Variants in DNM1 observed in about 807,000 individuals in gnomAD.
DNM1 encodes dynamin-1.
Under a neutral mutation model 104.6 loss-of-function variants are expected in DNM1, and 29 were observed. That is an observed-to-expected ratio of 0.28 (90% CI 0.21 to 0.38). The LOEUF (loss-of-function observed/expected upper bound fraction) is 0.38, where lower values mean the gene tolerates loss of function less well. Among genes scored for constraint, DNM1 ranks in the 10% least tolerant of loss-of-function variants. The probability of loss-of-function intolerance (pLI) is 1.00; values close to 1 mark genes in which losing one functional copy is unlikely to be tolerated. For missense variants in DNM1, 640 were observed against 1,189.4 expected (o/e 0.54, Z 6.79); for synonymous variants, 445 against 475.8 (o/e 0.94, Z 0.84).
Position 128,254,539 on chromosome 9 carries a change from G to A in DNM1, c.2535-115G>A. 1 of 1,557,422 alleles carries A rather than the reference G, an allele frequency of 6.4e-7. No individual in the cohort carries two copies. The highest frequency in any genetic ancestry group is 1.9e-5 in the Admixed American group (1 of 53,790). On this transcript the variant is annotated intron_variant, in intron 21 of 21. Transcript: ENST00000372923. The surrounding 1 kb of genome is among the most constrained non-coding windows in gnomAD (Gnocchi z 6.1). The stretch of plus-strand genomic sequence containing the variant: ...CCACACCTGCAGCCTCCCCTCCCCG[G>A]CCCTCCCACCACTGCTGCGGCGCGG...
At position 128,218,587 on chromosome 9, in the gene DNM1, G is replaced by A; in HGVS notation, c.241G>A (p.Ala81Thr). 1.2e-6 allele frequency: 2 copies of A among 1,610,648 alleles called. No individual in the cohort carries two copies. The highest frequency in any genetic ancestry group is 1.7e-6 in the Non-Finnish European group (2 of 1,177,416). ...LQLVNATTEY[A>T]EFLHCKGKKF... is the part of the protein sequence containing the mutation. Reference sequence around the variant, plus strand: ...CCTGCCCGCTTCTGGAGCAGAATATGCCGAGTTCCTGCACTGCAAGGGAAA... The same window carrying A: ...CCTGCCCGCTTCTGGAGCAGAATATACCGAGTTCCTGCACTGCAAGGGAAA... The change falls in exon 3 of 22, where the codon GCC becomes ACC. Residue 81 changes from alanine to threonine, a missense_variant. Physicochemically the swap from Ala to Thr is moderately conservative, Grantham distance 58. Coordinates refer to ENST00000372923, the MANE Select transcript of DNM1 (RefSeq NM_004408.4). This position sits in a 1 kb window ranked among gnomAD's most constrained non-coding sequence, Gnocchi z 4.8.
chr9:128,249,850 T>C (rs1241740834), intron 19 of DNM1, among the ~76,000 whole-genome samples: 2 of 151,118 alleles, frequency 1.3e-5, no homozygotes, highest in Non-Finnish European at 2.9e-5. Context: ...AAAAAACAAC[T>C]GAGTAGACAA....
intron 1 of DNM1, among the ~76,000 whole-genome samples, chr9:128,212,472 TGGAAGGAA>T (rs1012698596): frequency 6.6e-6 from 1 of 151,502 alleles, no homozygotes; most frequent in African/African-American, 2.4e-5. Flanking sequence ...AAGACCCGGC[TGGAAGGAA>T]GGAAGGAAGG....
intron 1 of DNM1, among the ~76,000 whole-genome samples, chr9:128,213,516 A>G (rs369623685): frequency 1.6e-4 from 25 of 152,208 alleles, no homozygotes; most frequent in African/African-American, 5.3e-4. Context: ...TGGGAAAGAA[A>G]GTAGGAAGGA....
Position 128,222,942 on chromosome 9 carries a change from C to A in DNM1, c.1196+82C>A. On this transcript the variant is annotated intron_variant, in intron 9 of 21. Coordinates refer to ENST00000372923, the MANE Select transcript of DNM1 (RefSeq NM_004408.4). This position sits in a 1 kb window ranked among gnomAD's most constrained non-coding sequence, Gnocchi z 7.8. ...GAGGCACAGGGAGTGATGAAGTGGG[C>A]CTCCCTCAGGAAGGACTGAAAGCTC... 1.5e-6 allele frequency: 2 copies of A among 1,352,130 alleles called. No individual in the cohort carries two copies. The highest frequency in any genetic ancestry group is 2.1e-6 in the Non-Finnish European group (2 of 949,884). 83.8% of individuals were successfully genotyped at this position (1,352,130 alleles called of 1,614,324 possible). A position where few individuals can be genotyped will look rare whatever the true frequency, so the allele number is the denominator to read the frequency against.
chr9:128,236,801 A>C (rs1307868234), intron 11 of DNM1, among the ~76,000 whole-genome samples: 1 of 152,210 alleles, frequency 6.6e-6, no homozygotes, highest in Non-Finnish European at 1.5e-5. Flanking sequence ...GCAGTGACCC[A>C]TGATCATGCC....
At chr9:128,242,562 C>T (rs1412397731) in intron 15 of DNM1, among the ~76,000 whole-genome samples, 2 of 152,134 alleles carry the variant, frequency 1.3e-5, no homozygotes, top group Non-Finnish European at 2.9e-5. Context: ...GAGTCCGAGA[C>T]CAGCCCGGCC....
chr9:128,209,488 CTA>C (rs1834166012), intron 1 of DNM1, among the ~76,000 whole-genome samples: 1 of 152,154 alleles, frequency 6.6e-6, no homozygotes, highest in Admixed American at 6.6e-5. Context: ...TGCCATATGT[CTA>C]TGTATTCCAG....
Position 128,220,885 on chromosome 9 carries a change from T to TTTTCTTTCTTAC in DNM1, c.849+554_849+555insACTTTCTTTCTT, listed in dbSNP as rs1554773877. 8.5e-6 allele frequency among the ~76,000 whole-genome samples: 1 copy of TTTTCTTTCTTAC among 117,526 alleles called. No homozygotes were observed. The highest frequency in any genetic ancestry group is 1.8e-5 in the Non-Finnish European group (1 of 56,702). 77.1% of individuals were successfully genotyped at this position (117,526 alleles called of 152,430 possible). ...CCTCTATTTCTTTTTTCTTTATTTG[T>TTTTCTTTCTTAC]TTTCTTTCTTTCTTTCTTTCTTTCT... On this transcript the variant is annotated intron_variant, in intron 6 of 21. Coordinates refer to ENST00000372923, the MANE Select transcript of DNM1 (RefSeq NM_004408.4). The surrounding 1 kb of genome is among the most constrained non-coding windows in gnomAD (Gnocchi z 5.2).
chr9:128,254,622 C>G lies in DNM1; in HGVS notation c.2535-32C>G. ...CAGCTCTCTCCTCGCTTTTCTCTCCCGTTTTCTCTCTGCTTTCTCTCCAAC... is the reference window on the plus strand; with the variant it reads ...CAGCTCTCTCCTCGCTTTTCTCTCCGGTTTTCTCTCTGCTTTCTCTCCAAC... On this transcript the variant is annotated intron_variant, in intron 21 of 21. Coordinates refer to ENST00000372923, the MANE Select transcript of DNM1 (RefSeq NM_004408.4). This position sits in a 1 kb window ranked among gnomAD's most constrained non-coding sequence, Gnocchi z 6.1. 1 of 1,596,148 alleles carries G rather than the reference C, an allele frequency of 6.3e-7. No individual in the cohort carries two copies. Among genetic ancestry groups the G allele is most frequent in the Non-Finnish European group, 8.5e-7 (1 of 1,179,588 alleles).
In DNM1 at chr9:128,247,906, G is replaced by T. The variant is rs116335289; in HGVS notation, c.1894-18G>T. 1.7e-3 allele frequency: 2,792 copies of T among 1,613,320 alleles called. 45 individuals carry two copies. The African/African-American group carries it at 0.032, about 19-fold the overall frequency. On this transcript the variant is annotated intron_variant, in intron 17 of 21. Coordinates refer to ENST00000372923, the MANE Select transcript of DNM1 (RefSeq NM_004408.4). This position sits in a 1 kb window ranked among gnomAD's most constrained non-coding sequence, Gnocchi z 5.1. ...TGGTGGTGGCGGCGGTGGCAATGTT[G>T]GTGTGTGGGCCTCCCAGGACAAAGA...
At chr9:128,217,670 A>T (rs1046352080) in intron 1 of DNM1, among the ~76,000 whole-genome samples, 4 of 147,494 alleles carry the variant, frequency 2.7e-5, no homozygotes, top group Non-Finnish European at 6.0e-5. Context: ...CGCCCGCCTC[A>T]GCCTCCAAAG....
Position 128,254,908 on chromosome 9 carries a change from C to T in DNM1, c.*194C>T. The T allele has an allele frequency of 3.5e-6, 2 of 578,994 alleles. No individual in the cohort carries two copies. The highest frequency in any genetic ancestry group is 4.4e-5 in the South Asian group (2 of 45,136). 35.9% of individuals were successfully genotyped at this position (578,994 alleles called of 1,614,324 possible). Reference sequence around the variant, plus strand: ...TGCCCCTTCTGTGGTATGCCCTTGCCCTGTTCTATAAATATCTATAAATAC... The same window carrying T: ...TGCCCCTTCTGTGGTATGCCCTTGCTCTGTTCTATAAATATCTATAAATAC... On this transcript the variant is annotated 3_prime_UTR_variant, in exon 22 of 22. Coordinates refer to ENST00000372923, the MANE Select transcript of DNM1 (RefSeq NM_004408.4). This position sits in a 1 kb window ranked among gnomAD's most constrained non-coding sequence, Gnocchi z 6.1.
chr9:128,214,628 G>A (rs1412027053), intron 1 of DNM1, among the ~76,000 whole-genome samples: 2 of 152,166 alleles, frequency 1.3e-5, no homozygotes, highest in Admixed American at 1.3e-4. Context: ...GACAACTCCA[G>A]TTCAGACAGG....
At chr9:128,211,350 T>A (rs1834282953) in intron 1 of DNM1, among the ~76,000 whole-genome samples, 1 of 152,200 alleles carries the variant, frequency 6.6e-6, no homozygotes, top group African/African-American at 2.4e-5. Flanking sequence ...TCCTGCTTCC[T>A]TTCAGCCGCT....
rs138357499 is a variant in DNM1 at position 128,220,217 on chromosome 9, T to C, written c.725T>C (p.Ile242Thr). The stretch of plus-strand genomic sequence containing the variant: ...GTGGTGAACCGGAGCCAGAAGGACA[T>C]TGATGGCAAGAAGGACATTACCGCC... ...IGVVNRSQKD[I>T]DGKKDITAAL... Residue 242 changes from isoleucine (I) to threonine (T), a missense_variant, in exon 6 of 22, where the codon ATT becomes ACT. By Grantham distance (89) the Ile-to-Thr change is moderately conservative. This residue lies in a region of DNM1 where 172 missense variants were observed against 335.3 expected (regional missense o/e 0.51). Coordinates refer to ENST00000372923, the MANE Select transcript of DNM1 (RefSeq NM_004408.4). The surrounding 1 kb of genome is among the most constrained non-coding windows in gnomAD (Gnocchi z 5.2). 6.2e-6 allele frequency: 10 copies of C among 1,614,014 alleles called. No individual in the cohort carries two copies. In the African/African-American group the frequency reaches 6.7e-5, roughly 11 times the overall value.
At position 128,253,013 on chromosome 9, in the gene DNM1, C is replaced by T. The variant is rs529853435; in HGVS notation, c.2535-1641C>T. 188 of 1,336,024 alleles carry T rather than the reference C, an allele frequency of 1.4e-4. No homozygotes were observed. The East Asian group carries it at 3.9e-3, about 27-fold the overall frequency. 82.8% of individuals were successfully genotyped at this position (1,336,024 alleles called of 1,614,324 possible). On this transcript the variant is annotated intron_variant, in intron 21 of 21. Transcript: ENST00000372923. The surrounding 1 kb of genome is among the most constrained non-coding windows in gnomAD (Gnocchi z 5.9). ...GCCTCACAGCATGTGTGTGCACGCC[C>T]GGGCGTGTGCGTGTGTGTGTCCCCC...
In DNM1 at chr9:128,224,304, TGAA is replaced by T; in HGVS notation, c.1256_1258del (p.Lys419del). 6.2e-7 allele frequency: 1 copy of T among 1,613,938 alleles called. No homozygotes were observed. The highest frequency in any genetic ancestry group is 8.5e-7 in the Non-Finnish European group (1 of 1,179,934). ...TTTGAGACCATTGTGAAAAAGCAGG[TGAA>T]GAAGATCCGAGAACCGTGTCTCAAG... On this transcript the variant is annotated inframe_deletion, in exon 10 of 22. Coordinates refer to ENST00000372923, the MANE Select transcript of DNM1 (RefSeq NM_004408.4). The surrounding 1 kb of genome is among the most constrained non-coding windows in gnomAD (Gnocchi z 4.3).
At chr9:128,229,977 T>G (rs1360385972) in intron 10 of DNM1, among the ~76,000 whole-genome samples, 1 of 151,334 alleles carries the variant, frequency 6.6e-6, no homozygotes, top group Non-Finnish European at 1.5e-5. Context: ...CCCAGCACTT[T>G]GGGAGGCTGA....
Sources: allele counts gnomAD v4.1 joint callset (sites outside exome capture counted in the v4.1 genomes callset), GRCh38; gene constraint gnomAD v4.1.1; regional missense constraint gnomAD v4.1.1; non-coding constraint Gnocchi (gnomAD v3.1); transcripts MANE v1.5; gene names NCBI Gene and HGNC (gene_info 2026-07-23, HGNC 2026-07-21).